Variants in CAPN9 observed in about 807,000 individuals in gnomAD.
The protein encoded by CAPN9 is calpain-9.
CAPN9 carries 81 observed loss-of-function variants against 92.8 expected under a neutral mutation model. That is an observed-to-expected ratio of 0.87 (90% CI 0.73 to 1.05). CAPN9 has a LOEUF of 1.05. Ranked by LOEUF, CAPN9 falls within the 50% of genes least tolerant of loss-of-function variation. The probability of loss-of-function intolerance (pLI) is 0.00; values close to 1 mark genes in which losing one functional copy is unlikely to be tolerated. For missense variants in CAPN9, 848 were observed against 866.2 expected (o/e 0.98, Z 0.26); for synonymous variants, 304 against 328.0 (o/e 0.93, Z 0.79).
At chr1:230,770,313 G>A (rs1345426464) in intron 6 of CAPN9, among the ~76,000 whole-genome samples, 3 of 152,192 alleles carry the variant, frequency 2.0e-5, no homozygotes, top group South Asian at 2.1e-4. Context: ...CCCAGGAAGA[G>A]AGAGTGAATT....
Position 230,748,075 on chromosome 1 carries a change from T to A in CAPN9, c.213+366T>A, listed in dbSNP as rs954261394. Among the ~76,000 whole-genome samples the A allele has an allele frequency of 7.2e-5, 11 of 152,218 alleles. 1 individual carries two copies. The highest frequency in any genetic ancestry group is 2.4e-4 in the African/African-American group (10 of 41,540). On this transcript the variant is annotated intron_variant, in intron 1 of 19. Coordinates refer to ENST00000271971, the MANE Select transcript of CAPN9 (RefSeq NM_006615.3). ...TGTGTGTGGTAACACTGAGATCACG[T>A]TATGCACAGTGTTCTGTGGCTTCTG...
intron 14 of CAPN9, among the ~76,000 whole-genome samples, chr1:230,791,176 A>C (rs1423766418): frequency 2.0e-5 from 3 of 152,134 alleles, no homozygotes; most frequent in Non-Finnish European, 4.4e-5. Context: ...TGAATAATGC[A>C]ACTGTAAACA....
At chr1:230,772,197 C>T (rs1279463190) in intron 7 of CAPN9, 98 bp downstream of exon 7, 12 of 982,142 alleles carry the variant, frequency 1.2e-5, no homozygotes, top group Non-Finnish European at 1.6e-6. Flanking sequence ...GTCTACTATC[C>T]TCCCGGGCTC....
At chr1:230,798,074 C>T (rs1261607143) in intron 18 of CAPN9, 88 bp from the exon 19 acceptor site, 2 of 917,564 alleles carry the variant, frequency 2.2e-6, no homozygotes, top group Non-Finnish European at 3.6e-6. Context: ...CCCACAGGCT[C>T]CACTGGAAGG....
At chr1:230,747,761 C>A in intron 1 of CAPN9, 52 bp downstream of exon 1, 2 of 1,530,122 alleles carry the variant, frequency 1.3e-6, no homozygotes, top group Non-Finnish European at 9.0e-7. Context: ...GGTTCAGCAG[C>A]CCCCGCAGGA....
chr1:230,780,830 C>A lies in CAPN9; in HGVS notation c.1481+122C>A, dbSNP rs1572064418. 3 of 714,900 alleles carry A rather than the reference C, an allele frequency of 4.2e-6. No individual in the cohort carries two copies. In the East Asian group the frequency reaches 7.7e-5, roughly 18 times the overall value. The allele number at this position is 714,900 out of a possible 1,614,324, so 44.3% of individuals were successfully genotyped here. On this transcript the variant is annotated intron_variant, in intron 11 of 19. Coordinates refer to ENST00000271971, the MANE Select transcript of CAPN9 (RefSeq NM_006615.3). ...CCCTTTCCCATGTGTACCTGAGAAACAAGGCAGGATGGTTTCTTTCTTTTC... is the reference window on the plus strand; with the variant it reads ...CCCTTTCCCATGTGTACCTGAGAAAAAAGGCAGGATGGTTTCTTTCTTTTC...
At chr1:230,769,314 C>G (rs550081695) in intron 6 of CAPN9, 51 bp downstream of exon 6, 7 of 1,296,424 alleles carry the variant, frequency 5.4e-6, no homozygotes, top group Admixed American at 1.7e-5. Flanking sequence ...TGTGACAATG[C>G]TAATCCCTTA....
chr1:230,768,629 A>G (rs1481474007), intron 5 of CAPN9, among the ~76,000 whole-genome samples: 1 of 152,040 alleles, frequency 6.6e-6, no homozygotes, highest in Non-Finnish European at 1.5e-5. Flanking sequence ...CTATGCATAC[A>G]AACACACACA....
In CAPN9 at chr1:230,787,796, C is replaced by T. The variant is rs187232790; in HGVS notation, c.1599+194C>T. ...TTACAACATTTACTTACACAGTCTG[C>T]GGCTGTGGATGGGGCCAGTGAGCCC... On this transcript the variant is annotated intron_variant, in intron 13 of 19. Transcript: ENST00000271971. Among the ~76,000 whole-genome samples the T allele has an allele frequency of 3.9e-5, 6 of 152,316 alleles. No individual in the cohort carries two copies. In the East Asian group the frequency reaches 5.8e-4, roughly 15 times the overall value.
chr1:230,792,820 T>C (rs907999856), intron 16 of CAPN9, 30 bp from the exon 17 acceptor site: 1 of 1,598,414 alleles, frequency 6.3e-7, no homozygotes, highest in Non-Finnish European at 8.6e-7. Context: ...GGCACGCTCC[T>C]TCTCAAGGCT....
chr1:230,769,661 CTATCTATCT>C (rs1399562836), intron 6 of CAPN9, among the ~76,000 whole-genome samples: 19 of 124,124 alleles, frequency 1.5e-4, no homozygotes, highest in Non-Finnish European at 2.5e-4. Context: ...ATCTATCTAT[CTATCTATCT>C]ATCTATCTAT....
intron 13 of CAPN9, 68 bp from the exon 14 acceptor site, chr1:230,790,064 T>A: frequency 7.1e-7 from 1 of 1,409,536 alleles, no homozygotes; most frequent in South Asian, 1.2e-5. Context: ...AGAACTGATT[T>A]AAAACAAAAA....
At position 230,761,149 on chromosome 1, in the gene CAPN9, T is replaced by C. The variant is rs28359621; in HGVS notation, c.403-1504T>C. 6.6e-3 allele frequency among the ~76,000 whole-genome samples: 1,003 copies of C among 151,816 alleles called. 9 individuals are homozygous for C. The highest frequency in any genetic ancestry group is 9.1e-3 in the Non-Finnish European group (617 of 67,954). ...CCAGGGATCATGTGGGGGTGGGGAG[T>C]GACCCTGTTGATGCCTGTCAGTCCC... On this transcript the variant is annotated intron_variant, in intron 3 of 19. Transcript: ENST00000271971.
chr1:230,787,683 T>C, intron 13 of CAPN9, 81 bp downstream of exon 13: 1 of 1,243,240 alleles, frequency 8.0e-7, no homozygotes, highest in Non-Finnish European at 1.2e-6. Context: ...AGTCGTGGGG[T>C]TGGTCAGCAA....
chr1:230,791,973 C>T (rs371647224), intron 15 of CAPN9, 45 bp downstream of exon 15: 2 of 1,378,336 alleles, frequency 1.5e-6, no homozygotes, highest in African/African-American at 1.4e-5. Flanking sequence ...GGATCCTGGG[C>T]TTTAAGCACA....
intron 1 of CAPN9, among the ~76,000 whole-genome samples, chr1:230,748,881 A>C (rs1367305804): frequency 6.6e-6 from 1 of 152,146 alleles, no homozygotes; most frequent in Non-Finnish European, 1.5e-5. Flanking sequence ...AAGTGAACCT[A>C]AGTGGGTGTT....
chr1:230,785,748 GAATGGTCTAACAC>G (rs1667536781), intron 11 of CAPN9, among the ~76,000 whole-genome samples: 1 of 152,158 alleles, frequency 6.6e-6, no homozygotes, highest in Non-Finnish European at 1.5e-5. Flanking sequence ...AGCCATGCAA[GAATGGTCTAACAC>G]AATGGCTGTC....
rs1666061638 is a variant in CAPN9, at chr1:230,767,449, T to A, written c.537-92T>A. ...GCCAGGGCAAGCCCTGGGAGATGCTTCAGGCTTAGTTAGAAAAGCTCTGAA... is the reference window on the plus strand; with the variant it reads ...GCCAGGGCAAGCCCTGGGAGATGCTACAGGCTTAGTTAGAAAAGCTCTGAA... On this transcript the variant is annotated intron_variant, in intron 4 of 19. Coordinates refer to ENST00000271971, the MANE Select transcript of CAPN9 (RefSeq NM_006615.3). 3.7e-6 allele frequency: 4 copies of A among 1,081,832 alleles called. No homozygotes were observed. The South Asian group carries it at 6.8e-5, about 18-fold the overall frequency. The allele number at this position is 1,081,832 out of a possible 1,614,324, so 67.0% of individuals were successfully genotyped here.
intron 19 of CAPN9, among the ~76,000 whole-genome samples, chr1:230,799,129 C>A (rs1408222845): frequency 6.6e-6 from 1 of 152,194 alleles, no homozygotes; most frequent in Non-Finnish European, 1.5e-5. Flanking sequence ...TTTCTCCTCT[C>A]CACCAATTTC....
Sources: gnomAD v4.1 joint callset for allele counts (sites outside exome capture counted in the v4.1 genomes callset) on GRCh38, gnomAD v4.1.1 for gene constraint, MANE v1.5 for transcripts, NCBI Gene and HGNC (gene_info 2026-07-23, HGNC 2026-07-21) for gene names.